ERBB4: variants seen among roughly 807,000 people sequenced by gnomAD.
ERBB4 encodes the protein erb-b2 receptor tyrosine kinase 4.
Under a neutral mutation model 158.0 loss-of-function variants are expected in ERBB4, and 42 were observed. That is an observed-to-expected ratio of 0.27 (90% confidence interval 0.21 to 0.34). The LOEUF is 0.34. Among genes scored for constraint, ERBB4 ranks in the 10% least tolerant of loss-of-function variants. ERBB4 has a pLI of 1.00. For synonymous variants in ERBB4, 583 were observed against 558.7 expected, an observed-to-expected ratio of 1.04 and a Z score of -0.61; for missense variants, 1,333 against 1,624.1, an observed-to-expected ratio of 0.82 and a Z score of 3.08.
intron 1 of ERBB4, among the ~76,000 whole-genome samples, chr2:212,262,905 A>G (rs1290934968): frequency 6.6e-6 from 1 of 152,148 alleles, no homozygotes; most frequent in Non-Finnish European, 1.5e-5. Flanking sequence ...CTCCTGATAC[A>G]TTCATGTTCA....
At chr2:212,173,778 TAGAG>T (rs1222711913) in intron 1 of ERBB4, among the ~76,000 whole-genome samples, 1 of 152,018 alleles carries the variant, frequency 6.6e-6, no homozygotes, top group Non-Finnish European at 1.5e-5. Context: ...AGGGAGCAGA[TAGAG>T]AGAACAATGT....
intron 20 of ERBB4, among the ~76,000 whole-genome samples, chr2:211,532,675 G>A (rs1172227394): frequency 6.6e-6 from 1 of 151,818 alleles, no homozygotes. Flanking sequence ...TGTGCCAGCT[G>A]AACAAGACGT....
intron 1 of ERBB4, among the ~76,000 whole-genome samples, chr2:212,266,804 A>C (rs576465808): frequency 5.3e-5 from 8 of 152,136 alleles, no homozygotes; most frequent in African/African-American, 1.7e-4. Context: ...GCTGATTATA[A>C]ATTAGGTTTT....
At chr2:211,572,887 T>A (rs895872622) in intron 19 of ERBB4, among the ~76,000 whole-genome samples, 4 of 152,144 alleles carry the variant, frequency 2.6e-5, no homozygotes, top group African/African-American at 9.7e-5. Flanking sequence ...GTGGCTTGCA[T>A]GTTACCAACA....
At chr2:212,283,802 C>T (rs953480261) in intron 1 of ERBB4, among the ~76,000 whole-genome samples, 4 of 152,038 alleles carry the variant, frequency 2.6e-5, no homozygotes, top group Middle Eastern at 6.8e-3. Context: ...TAGTGACATA[C>T]CACAGTGAAG....
intron 3 of ERBB4, among the ~76,000 whole-genome samples, chr2:211,927,713 T>G (rs904766967): frequency 3.9e-5 from 5 of 129,136 alleles, no homozygotes; most frequent in African/African-American, 1.4e-4. Flanking sequence ...CTCGCAAAAG[T>G]TTTTTTTTTT....
intron 4 of ERBB4, among the ~76,000 whole-genome samples, chr2:211,754,137 G>C (rs1022298464): frequency 2.0e-5 from 3 of 152,088 alleles, no homozygotes; most frequent in African/African-American, 7.2e-5. Flanking sequence ...TGGGATTACA[G>C]GCGTAAGCCA....
intron 1 of ERBB4, among the ~76,000 whole-genome samples, chr2:212,158,023 A>T (rs1294630201): frequency 1.3e-5 from 2 of 152,110 alleles, no homozygotes; most frequent in Admixed American, 1.3e-4. Context: ...CCTTGGGATA[A>T]ATTAATAATA....
chr2:211,619,459 A>G (rs1445347914), intron 18 of ERBB4, among the ~76,000 whole-genome samples, 184 bp from the exon 19 acceptor site: 5 of 152,174 alleles, frequency 3.3e-5, no homozygotes, highest in African/African-American at 1.2e-4. Flanking sequence ...GCTCATATAC[A>G]TGATTACATA....
chr2:212,222,218 CT>C (rs1258901315), intron 1 of ERBB4, among the ~76,000 whole-genome samples: 2 of 151,450 alleles, frequency 1.3e-5, no homozygotes, highest in East Asian at 3.9e-4. Flanking sequence ...AACATTAATG[CT>C]TTATTATCAG....
intron 3 of ERBB4, among the ~76,000 whole-genome samples, chr2:211,811,508 C>A (rs774547332): frequency 6.6e-6 from 1 of 151,956 alleles, no homozygotes; most frequent in African/African-American, 2.4e-5. Flanking sequence ...TTGCTCTTCT[C>A]GAGGAGTATC....
At chr2:212,056,920 A>T (rs915840266) in intron 2 of ERBB4, among the ~76,000 whole-genome samples, 2 of 152,210 alleles carry the variant, frequency 1.3e-5, no homozygotes, top group Non-Finnish European at 2.9e-5. Context: ...TCAAATTCAC[A>T]CATAACAATA....
chr2:212,491,374 A>T (rs1208135640), intron 1 of ERBB4, among the ~76,000 whole-genome samples: 1 of 151,652 alleles, frequency 6.6e-6, no homozygotes, highest in Non-Finnish European at 1.5e-5. Context: ...CGACCTTTAT[A>T]ACTCAGGATC....
At chr2:211,593,195 C>T (rs1053878490) in intron 19 of ERBB4, among the ~76,000 whole-genome samples, 5 of 151,868 alleles carry the variant, frequency 3.3e-5, no homozygotes, top group African/African-American at 7.3e-5. Flanking sequence ...AAGTTACTGA[C>T]GATGGAACAA....
At chr2:211,627,408 C>A (rs2069901610) in intron 17 of ERBB4, among the ~76,000 whole-genome samples, 1 of 152,222 alleles carries the variant, frequency 6.6e-6, no homozygotes, top group East Asian at 1.9e-4. Flanking sequence ...TAATTGACTA[C>A]CTTTATTTTG....
intron 3 of ERBB4, among the ~76,000 whole-genome samples, chr2:211,834,786 G>T (rs2077303820): frequency 6.6e-6 from 1 of 152,056 alleles, no homozygotes; most frequent in African/African-American, 2.4e-5. Flanking sequence ...CAGCAGCAGG[G>T]TCAAACTTAA....
chr2:212,492,173 T>C (rs376541717), intron 1 of ERBB4, among the ~76,000 whole-genome samples: 5 of 151,398 alleles, frequency 3.3e-5, no homozygotes, highest in African/African-American at 1.2e-4. Flanking sequence ...AAATATGAAA[T>C]TGGATAGGAT....
intron 2 of ERBB4, among the ~76,000 whole-genome samples, chr2:212,007,024 G>T (rs912049923): frequency 1.3e-5 from 2 of 151,844 alleles, no homozygotes; most frequent in African/African-American, 4.8e-5. Context: ...GCTAAAATAT[G>T]GTTATACTAC....
At chr2:212,167,797 A>G (rs2081392626) in intron 1 of ERBB4, among the ~76,000 whole-genome samples, 1 of 152,080 alleles carries the variant, frequency 6.6e-6, no homozygotes, top group East Asian at 1.9e-4. Context: ...CAGGGACATG[A>G]ATGAAGCTGG....
Sources: allele counts gnomAD v4.1 joint callset (sites outside exome capture counted in the v4.1 genomes callset), GRCh38; gene constraint gnomAD v4.1.1; transcripts MANE v1.5; gene names NCBI Gene and HGNC (gene_info 2026-07-23, HGNC 2026-07-21).